EPB41L4B: variants seen among roughly 807,000 people sequenced by gnomAD.
EPB41L4B encodes the protein erythrocyte membrane protein band 4.1 like 4B.
A neutral mutation model predicts 112.5 loss-of-function variants in EPB41L4B; 30 were observed. That is an observed-to-expected ratio of 0.27 (90% CI 0.20 to 0.36). The LOEUF is 0.36. Ranked by LOEUF, EPB41L4B falls within the 10% of genes least tolerant of loss-of-function variation. EPB41L4B has a pLI of 1.00. For synonymous variants in EPB41L4B, 408 were observed against 439.7 expected (o/e 0.93, Z 0.90); for missense variants, 1,024 against 1,133.3 (o/e 0.90, Z 1.38).
At chr9:109,251,970 T>C (rs760804067) in intron 12 of EPB41L4B, among the ~76,000 whole-genome samples, 1 of 152,202 alleles carries the variant, frequency 6.6e-6, no homozygotes. Context: ...TCCATTTTGT[T>C]TTTAAAAGGA....
At position 109,217,110 on chromosome 9, in the gene EPB41L4B, T is replaced by C. The variant is rs1227409750; in HGVS notation, c.1445A>G (p.Asp482Gly). Residue 482 changes from aspartate to glycine, a missense_variant, in exon 16 of 26, where the codon GAC becomes GGC. Transcript: ENST00000374566. ...CTCCTCAATGCCAAAAGGCAACCGG[T>C]CCGAGCTGCTAAGCACTGGGGAAGG... The part of the protein sequence containing the change: ...PLPSPVLSSS[D>G]RLPFGIEENG... 2 of 1,614,008 alleles carry C rather than the reference T, an allele frequency of 1.2e-6. No homozygotes were observed. Among genetic ancestry groups the C allele is most frequent in the South Asian group, 2.2e-5 (2 of 91,080 alleles).
chr9:109,290,859 T>C (rs569489746), intron 1 of EPB41L4B, among the ~76,000 whole-genome samples: 5 of 152,092 alleles, frequency 3.3e-5, no homozygotes, highest in East Asian at 1.9e-4. Flanking sequence ...CTGTTTACTC[T>C]TGGACATCAT....
At chr9:109,305,456 T>C (rs1837147728) in intron 1 of EPB41L4B, among the ~76,000 whole-genome samples, 1 of 151,790 alleles carries the variant, frequency 6.6e-6, no homozygotes. Context: ...CGGTCTCTAC[T>C]AAAAATACAA....
chr9:109,318,980 A>G (rs1048953276), intron 1 of EPB41L4B, among the ~76,000 whole-genome samples: 9 of 152,146 alleles, frequency 5.9e-5, no homozygotes, highest in Non-Finnish European at 1.0e-4. Flanking sequence ...ATGAAGTCCA[A>G]ACATTTCTCC....
chr9:109,209,537 T>A (rs987948182), intron 17 of EPB41L4B, among the ~76,000 whole-genome samples: 2 of 151,392 alleles, frequency 1.3e-5, no homozygotes, highest in African/African-American at 4.9e-5. Flanking sequence ...GGCCCTCACC[T>A]ATAATTCCAG....
intron 22 of EPB41L4B, among the ~76,000 whole-genome samples, chr9:109,189,207 G>A (rs917238721): frequency 6.6e-6 from 1 of 152,114 alleles, no homozygotes; most frequent in Non-Finnish European, 1.5e-5. Context: ...ATACAGAATC[G>A]GAAATGGAAA....
At chr9:109,242,095 G>C (rs1834371669) in intron 15 of EPB41L4B, among the ~76,000 whole-genome samples, 1 of 152,230 alleles carries the variant, frequency 6.6e-6, no homozygotes, top group Non-Finnish European at 1.5e-5. Context: ...CTAAGTGAAG[G>C]TGGAAAATGT....
intron 1 of EPB41L4B, among the ~76,000 whole-genome samples, chr9:109,314,893 A>G (rs1837575728): frequency 6.6e-6 from 1 of 152,152 alleles, no homozygotes. Context: ...AGCTGTCTTC[A>G]ACCTCCTGCG....
intron 22 of EPB41L4B, 90 bp downstream of exon 22, chr9:109,192,188 C>T: frequency 9.7e-7 from 1 of 1,028,528 alleles, no homozygotes; most frequent in Non-Finnish European, 1.4e-6. Context: ...GGCTCCTCAA[C>T]AGCAATGCCC....
rs553515400 is a variant in EPB41L4B, at chr9:109,255,695, A to G, written c.1000-15T>C. 17 of 1,611,378 alleles carry G rather than the reference A, an allele frequency of 1.1e-5. No individual in the cohort carries two copies. In the South Asian group the frequency reaches 1.9e-4, roughly 18 times the overall value. On this transcript the variant is annotated splice_polypyrimidine_tract_variant and intron_variant, in intron 10 of 25. Coordinates refer to ENST00000374566, the MANE Select transcript of EPB41L4B (RefSeq NM_019114.5). ...TGCTCACGTCCCTTAAAGAGGAAGC[A>G]CAAGGGCCTCGAGTGGGCGTTTGCA...
At chr9:109,212,236 G>T (rs1588140148) in intron 17 of EPB41L4B, among the ~76,000 whole-genome samples, 1 of 152,280 alleles carries the variant, frequency 6.6e-6, no homozygotes, top group East Asian at 1.9e-4. Flanking sequence ...TTTGGATTTT[G>T]CCAAAGTCTG....
intron 6 of EPB41L4B, among the ~76,000 whole-genome samples, chr9:109,258,699 C>T (rs1835074476): frequency 1.3e-5 from 2 of 152,272 alleles, no homozygotes; most frequent in Admixed American, 1.3e-4. Context: ...CAGAGCAGCA[C>T]TTCAGGGTCT....
chr9:109,197,725 C>T (rs190793424), intron 20 of EPB41L4B, among the ~76,000 whole-genome samples: 23 of 151,428 alleles, frequency 1.5e-4, no homozygotes, highest in African/African-American at 5.1e-4. Context: ...GAGGCTGAGG[C>T]CGGAGAATCG....
chr9:109,203,812 G>T, intron 18 of EPB41L4B, 82 bp from the exon 19 acceptor site: 2 of 1,178,892 alleles, frequency 1.7e-6, no homozygotes, highest in Non-Finnish European at 2.5e-6. Flanking sequence ...ACATTCAAAA[G>T]ATTATAGAAA....
chr9:109,289,367 C>T (rs1426677008), intron 1 of EPB41L4B, among the ~76,000 whole-genome samples: 3 of 152,250 alleles, frequency 2.0e-5, no homozygotes, highest in Admixed American at 6.5e-5. Flanking sequence ...ATTCCTTTCT[C>T]CACCTGCAGC....
intron 1 of EPB41L4B, chr9:109,307,343 T>C (rs1002557518): frequency 2.5e-6 from 1 of 403,406 alleles, no homozygotes; most frequent in Non-Finnish European, 4.8e-6. Context: ...AATACTGAGG[T>C]ATCCTAAACA....
At chr9:109,216,878 A>G in intron 16 of EPB41L4B, 44 bp downstream of exon 16, 3 of 1,584,964 alleles carry the variant, frequency 1.9e-6, no homozygotes, top group Non-Finnish European at 2.6e-6. Context: ...GCCCTGCAGC[A>G]TTGCTCCCCC....
intron 19 of EPB41L4B, among the ~76,000 whole-genome samples, chr9:109,201,506 T>TA (rs1832831334): frequency 1.5e-5 from 2 of 131,044 alleles, no homozygotes; most frequent in African/African-American, 5.7e-5. Flanking sequence ...AATGAGAAAA[T>TA]AGAGGATTTG....
intron 14 of EPB41L4B, among the ~76,000 whole-genome samples, chr9:109,244,268 C>T (rs1817077356): frequency 6.6e-6 from 1 of 151,144 alleles, no homozygotes; most frequent in South Asian, 2.1e-4. Context: ...ACAAAACCAT[C>T]CAGAGCGCTT....
Sources: allele counts gnomAD v4.1 joint callset (sites outside exome capture counted in the v4.1 genomes callset), GRCh38; gene constraint gnomAD v4.1.1; transcripts MANE v1.5; gene names NCBI Gene and HGNC (gene_info 2026-07-23, HGNC 2026-07-21).